Variants in GRIK2 observed in about 807,000 individuals in gnomAD.
The protein encoded by GRIK2 is glutamate ionotropic receptor kainate type subunit 2.
Under a neutral mutation model 100.3 loss-of-function variants are expected in GRIK2, and 32 were observed. That is an observed-to-expected ratio of 0.32 (90% CI 0.24 to 0.43). The LOEUF is 0.43. GRIK2 is among the 20% of genes least tolerant of loss of function. The pLI, the probability that GRIK2 is intolerant of heterozygous loss-of-function variation, is 1.00. For missense variants in GRIK2, 843 were observed against 1,114.9 expected (o/e 0.76, Z 3.47); for synonymous variants, 417 against 389.4 (o/e 1.07, Z -0.83).
intron 7 of GRIK2, among the ~76,000 whole-genome samples, chr6:101,692,799 G>GA (rs1167650550): frequency 2.6e-5 from 4 of 151,792 alleles, no homozygotes; most frequent in Admixed American, 2.0e-4. Flanking sequence ...TGTTACCACA[G>GA]AAAAAACATT....
At chr6:101,672,247 T>A (rs1226855978) in intron 4 of GRIK2, among the ~76,000 whole-genome samples, 1 of 152,138 alleles carries the variant, frequency 6.6e-6, no homozygotes, top group Non-Finnish European at 1.5e-5. Context: ...TAATCATTTT[T>A]TAAAAAGTGC....
intron 12 of GRIK2, among the ~76,000 whole-genome samples, chr6:101,916,014 T>C (rs1361414495): frequency 1.3e-5 from 2 of 151,456 alleles, no homozygotes; most frequent in African/African-American, 2.4e-5. Flanking sequence ...TTTCTAACAG[T>C]GTAAAAAATA....
At chr6:101,699,754 T>G (rs1421651379) in intron 7 of GRIK2, among the ~76,000 whole-genome samples, 1 of 152,078 alleles carries the variant, frequency 6.6e-6, no homozygotes, top group African/African-American at 2.4e-5. Context: ...GTAGTCTCAG[T>G]AAAGCCAAAT....
chr6:102,022,209 A>G (rs938625713), intron 14 of GRIK2, among the ~76,000 whole-genome samples: 1 of 151,308 alleles, frequency 6.6e-6, no homozygotes. Flanking sequence ...ACTTATATAC[A>G]TATAACTGTG....
intron 14 of GRIK2, among the ~76,000 whole-genome samples, chr6:101,948,257 A>G (rs1032525261): frequency 1.3e-5 from 2 of 151,406 alleles, no homozygotes; most frequent in South Asian, 2.1e-4. Flanking sequence ...TATATTTATT[A>G]TGTCCTTATT....
chr6:101,567,568 T>A (rs1433857740), intron 2 of GRIK2, among the ~76,000 whole-genome samples: 2 of 152,008 alleles, frequency 1.3e-5, no homozygotes, highest in Non-Finnish European at 2.9e-5. Flanking sequence ...AACATCCTGT[T>A]TCATAAACTT....
At chr6:101,617,736 T>TG (rs574902917) in intron 2 of GRIK2, among the ~76,000 whole-genome samples, 326 of 151,906 alleles carry the variant, frequency 2.1e-3, no homozygotes, top group Non-Finnish European at 3.2e-3. Flanking sequence ...ACTTATCTTT[T>TG]GGGGAATGCT....
At chr6:101,486,087 T>C (rs1272112209) in intron 2 of GRIK2, among the ~76,000 whole-genome samples, 1 of 152,134 alleles carries the variant, frequency 6.6e-6, no homozygotes, top group East Asian at 1.9e-4. Context: ...TGAGCCTTAG[T>C]CTCATGTCAA....
intron 12 of GRIK2, among the ~76,000 whole-genome samples, chr6:101,912,705 C>T (rs932389555): frequency 6.6e-6 from 1 of 151,498 alleles, no homozygotes; most frequent in African/African-American, 2.4e-5. Context: ...TAAAAAATAC[C>T]TTGTTCCCAC....
chr6:101,712,664 G>T (rs2518306), intron 7 of GRIK2, among the ~76,000 whole-genome samples: 137,109 of 151,796 alleles, frequency 0.9, 61,970 homozygotes, highest in South Asian at 0.93. Flanking sequence ...TTATGAGAAA[G>T]AAGATATCAG....
At chr6:101,865,947 A>C (rs1223835508) in intron 11 of GRIK2, among the ~76,000 whole-genome samples, 2 of 151,942 alleles carry the variant, frequency 1.3e-5, no homozygotes, top group Non-Finnish European at 2.9e-5. Context: ...ATTACAACCA[A>C]CAACAACAAA....
intron 2 of GRIK2, among the ~76,000 whole-genome samples, chr6:101,468,495 T>C (rs1350125170): frequency 6.6e-6 from 1 of 152,044 alleles, no homozygotes; most frequent in Non-Finnish European, 1.5e-5. Flanking sequence ...GGAATTACAA[T>C]GGAAATTCCA....
chr6:101,486,391 C>CGG (rs748806335), intron 2 of GRIK2, among the ~76,000 whole-genome samples: 3,080 of 90,694 alleles, frequency 0.034, 51 homozygotes, highest in African/African-American at 0.066. Context: ...GGGGGTGGGG[C>CGG]GGGGGGGGGA....
At chr6:102,015,635 C>CTAAA (rs1275957070) in intron 14 of GRIK2, among the ~76,000 whole-genome samples, 1 of 152,180 alleles carries the variant, frequency 6.6e-6, no homozygotes, top group Non-Finnish European at 1.5e-5. Context: ...CCCACAGCAG[C>CTAAA]TAAATGCATG....
intron 7 of GRIK2, among the ~76,000 whole-genome samples, chr6:101,744,413 TC>T (rs1776248722): frequency 6.6e-6 from 1 of 150,980 alleles, no homozygotes; most frequent in African/African-American, 2.4e-5. Flanking sequence ...AAAATAATGG[TC>T]TCCAATTCCA....
chr6:101,819,503 C>A (rs915842958), intron 10 of GRIK2, among the ~76,000 whole-genome samples: 1 of 152,132 alleles, frequency 6.6e-6, no homozygotes, highest in Non-Finnish European at 1.5e-5. Context: ...AAGTTTTTAA[C>A]CAATCTGTGG....
intron 7 of GRIK2, among the ~76,000 whole-genome samples, chr6:101,781,469 A>G (rs1240027376): frequency 6.6e-6 from 1 of 152,228 alleles, no homozygotes; most frequent in Non-Finnish European, 1.5e-5. Context: ...GTTGCCTACA[A>G]GAGTGCTTAA....
chr6:101,626,578 TAGAC>T lies in GRIK2; in HGVS notation c.483_486del (p.Leu161PhefsTer54). The T allele has an allele frequency of 6.2e-7, 1 of 1,613,996 alleles. No individual in the cohort carries two copies. Among genetic ancestry groups the T allele is most frequent in the Non-Finnish European group, 8.5e-7 (1 of 1,179,892 alleles). On this transcript the variant is annotated frameshift_variant, in exon 4 of 17. Coordinates refer to ENST00000369134, the MANE Select transcript of GRIK2 (RefSeq NM_021956.5). LOFTEE classifies it high-confidence loss of function. ...TTCTCTTCACTCAGCCGTGCCATTTTAGACCTGGTGCAGTTTTTCAAGTGGAAAA... is the reference window on the plus strand; with the variant it reads ...TTCTCTTCACTCAGCCGTGCCATTTTCTGGTGCAGTTTTTCAAGTGGAAAA...
At chr6:101,651,927 C>T (rs1781814866) in intron 4 of GRIK2, among the ~76,000 whole-genome samples, 1 of 152,054 alleles carries the variant, frequency 6.6e-6, no homozygotes, top group African/African-American at 2.4e-5. Context: ...AGGAAATGAT[C>T]TCTAAGATAA....
Sources: allele counts gnomAD v4.1 joint callset (sites outside exome capture counted in the v4.1 genomes callset), GRCh38; gene constraint gnomAD v4.1.1; transcripts MANE v1.5; gene names NCBI Gene and HGNC (gene_info 2026-07-23, HGNC 2026-07-21).